The following TOGARAM1 variants were observed in gnomAD, a reference collection of about 807,000 sequenced individuals.
TOGARAM1 encodes TOG array regulator of axonemal microtubules 1.
Under a neutral mutation model 166.6 loss-of-function variants are expected in TOGARAM1, and 100 were observed. That is an observed-to-expected ratio of 0.60 (90% CI 0.51 to 0.71). TOGARAM1 has a LOEUF of 0.71. Among genes scored for constraint, TOGARAM1 ranks in the 30% least tolerant of loss-of-function variants. The pLI is 0.00. For missense variants in TOGARAM1, 2,029 were observed against 2,102.7 expected (o/e 0.96, Z 0.69); for synonymous variants, 758 against 763.8 (o/e 0.99, Z 0.13).
intron 2 of TOGARAM1, among the ~76,000 whole-genome samples, chr14:44,998,641 AT>A (rs1380217269): frequency 2.0e-5 from 3 of 152,212 alleles, no homozygotes; most frequent in African/African-American, 7.2e-5. Flanking sequence ...CTTAAAAAAA[AT>A]AAAATAAAAT....
At chr14:45,019,620 G>A (rs1594661638) in intron 7 of TOGARAM1, among the ~76,000 whole-genome samples, 1 of 152,146 alleles carries the variant, frequency 6.6e-6, no homozygotes, top group Non-Finnish European at 1.5e-5. Flanking sequence ...GCTCTCAGGC[G>A]ATAGATGATT....
intron 8 of TOGARAM1, 116 bp downstream of exon 8, chr14:45,025,988 A>G: frequency 5.4e-6 from 3 of 555,296 alleles, no homozygotes; most frequent in Non-Finnish European, 6.4e-6. Context: ...TTCTTTTTAA[A>G]AATGTATTAC....
At chr14:45,038,256 A>G (rs77084239) in intron 11 of TOGARAM1, among the ~76,000 whole-genome samples, 20 of 152,240 alleles carry the variant, frequency 1.3e-4, no homozygotes, top group Non-Finnish European at 1.5e-4. Context: ...AGGTGTTACT[A>G]TGCCAGCCAG....
chr14:45,025,684 A>C (rs1396186065), intron 7 of TOGARAM1, 99 bp from the exon 8 acceptor site: 1 of 629,296 alleles, frequency 1.6e-6, no homozygotes, highest in Non-Finnish European at 2.7e-6. Flanking sequence ...TGTATGAAAT[A>C]AATTTTCAGT....
At position 44,964,425 on chromosome 14, in the gene TOGARAM1, C is replaced by T. The variant is rs778534218; in HGVS notation, c.2004C>T (p.Ile668=). Reference sequence around the variant, plus strand: ...CATGGGAAAATGAGCAACCTGGAATCATGGGAGAAAACCAGACCTCCACTT... The same window carrying T: ...CATGGGAAAATGAGCAACCTGGAATTATGGGAGAAAACCAGACCTCCACTT... ...KLPWENEQPG[I]MGENQTSTSK... Residue 668 remains isoleucine, a synonymous_variant, in exon 1 of 20, where the codon ATC becomes ATT. Transcript: ENST00000361462. 1 of 1,605,098 alleles carries T rather than the reference C, an allele frequency of 6.2e-7. No homozygotes were observed. The highest frequency in any genetic ancestry group is 1.1e-5 in the South Asian group (1 of 89,918).
intron 3 of TOGARAM1, among the ~76,000 whole-genome samples, chr14:45,001,466 A>C (rs1218511026): frequency 6.6e-6 from 1 of 152,220 alleles, no homozygotes; most frequent in Non-Finnish European, 1.5e-5. Flanking sequence ...GTGAAGATAC[A>C]GCTTACAGAA....
intron 6 of TOGARAM1, 114 bp downstream of exon 6, chr14:45,009,259 T>G (rs1278253772): frequency 1.5e-5 from 12 of 786,600 alleles, no homozygotes; most frequent in Non-Finnish European, 2.2e-5. Context: ...TTTAAAATGT[T>G]AAAATATATT....
chr14:44,992,844 C>G (rs992869686), intron 1 of TOGARAM1, among the ~76,000 whole-genome samples: 1 of 151,446 alleles, frequency 6.6e-6, no homozygotes, highest in African/African-American at 2.4e-5. Context: ...GTCTCGATCT[C>G]CTGACCTCGT....
intron 16 of TOGARAM1, 70 bp downstream of exon 16, chr14:45,054,619 C>A: frequency 8.8e-7 from 1 of 1,133,034 alleles, no homozygotes; most frequent in Non-Finnish European, 1.3e-6. Context: ...TGGATGTTTT[C>A]ATAAACTACC....
intron 1 of TOGARAM1, among the ~76,000 whole-genome samples, chr14:44,969,150 C>CCTTCCTTCCTTCCTTCCTTTCT (rs1566595745): frequency 4.4e-4 from 57 of 130,060 alleles, no homozygotes; most frequent in African/African-American, 1.8e-3. Context: ...TCCTTCCTTT[C>CCTTCCTTCCTTCCTTCCTTTCT]TTTCTTTCTT....
chr14:44,966,513 A>G (rs1456539493), intron 1 of TOGARAM1, among the ~76,000 whole-genome samples: 1 of 152,106 alleles, frequency 6.6e-6, no homozygotes, highest in Non-Finnish European at 1.5e-5. Flanking sequence ...TTACAAAAAG[A>G]GTAATTTTAA....
chr14:45,028,430 A>G lies in TOGARAM1; in HGVS notation c.3658+101A>G, dbSNP rs560031204. ...GGTAATATATGACTAAGAATGAAAT[A>G]TCTTATATAACACCGAAATTTGCAA... On this transcript the variant is annotated intron_variant, in intron 10 of 19. Transcript: ENST00000361462. The G allele has an allele frequency of 8.0e-6, 10 of 1,257,480 alleles. No homozygotes were observed. The African/African-American group carries it at 1.2e-4, about 16-fold the overall frequency. 77.9% of individuals were successfully genotyped at this position (1,257,480 alleles called of 1,614,324 possible). A position where few individuals can be genotyped will look rare whatever the true frequency, so the allele number is the denominator to read the frequency against.
At chr14:45,058,795 T>G (rs1043649333) in intron 16 of TOGARAM1, among the ~76,000 whole-genome samples, 2 of 152,184 alleles carry the variant, frequency 1.3e-5, no homozygotes, top group Non-Finnish European at 2.9e-5. Flanking sequence ...TTAAGTGTTA[T>G]CTCCCTGTTT....
At chr14:45,040,620 T>C (rs557622600) in intron 11 of TOGARAM1, among the ~76,000 whole-genome samples, 1 of 152,298 alleles carries the variant, frequency 6.6e-6, no homozygotes, top group South Asian at 2.1e-4. Context: ...CTACTGATCA[T>C]ACAGCTGTTA....
chr14:45,042,710 A>C lies in TOGARAM1; in HGVS notation c.3813-976A>C, dbSNP rs1245005822. ...GTGCACAGTAGTATTGTGCCTAAAA[A>C]AATCAATATGCCTTAATTAAAAAAT... On this transcript the variant is annotated intron_variant, in intron 11 of 19. Transcript: ENST00000361462. Among the ~76,000 whole-genome samples, 5 of 152,186 alleles carry C rather than the reference A, an allele frequency of 3.3e-5. No homozygotes were observed. The East Asian group carries it at 9.6e-4, about 29-fold the overall frequency.
Position 45,045,573 on chromosome 14 carries a change from ATATATATATATGTGTGTGTGTGTGTGTG to A in TOGARAM1, c.4154+705_4154+732del, listed in dbSNP as rs1387636831. On this transcript the variant is annotated intron_variant, in intron 13 of 19. Coordinates refer to ENST00000361462, the MANE Select transcript of TOGARAM1 (RefSeq NM_001308120.2). ...TATATATATATATATATATATATAT[ATATATATATATGTGTGTGTGTGTGTGTG>A]TGTGTGTGTGTGTGTGTATATATAT... is the stretch of plus-strand genomic sequence containing the variant. Among the ~76,000 whole-genome samples, 5 of 39,406 alleles carry A rather than the reference ATATATATATATGTGTGTGTGTGTGTGTG, an allele frequency of 1.3e-4. 1 individual carries two copies. Among genetic ancestry groups the A allele is most frequent in the African/African-American group, 6.6e-4 (5 of 7,574 alleles). The allele number at this position is 39,406 out of a possible 152,430, so 25.9% of individuals were successfully genotyped here.
At chr14:45,069,484 C>T (rs908779538) in intron 18 of TOGARAM1, among the ~76,000 whole-genome samples, 5 of 151,748 alleles carry the variant, frequency 3.3e-5, no homozygotes, top group African/African-American at 1.2e-4. Context: ...GTAAAGAAAT[C>T]TCAAAGCTCA....
rs1162641320 is a variant in TOGARAM1, at chr14:45,008,854, A to G, written c.2905-59A>G. 5 of 1,393,702 alleles carry G rather than the reference A, an allele frequency of 3.6e-6. 1 individual carries two copies. In the Admixed American group the frequency reaches 6.4e-5, roughly 18 times the overall value. 86.3% of individuals were successfully genotyped at this position (1,393,702 alleles called of 1,614,324 possible). ...CTAATGGAGTTTAAAATTTAAGGAT[A>G]ACTTTTACCAATATAAGGAATTTAT... On this transcript the variant is annotated intron_variant, in intron 5 of 19. Coordinates refer to ENST00000361462, the MANE Select transcript of TOGARAM1 (RefSeq NM_001308120.2).
At chr14:45,019,217 C>T (rs73348062) in intron 7 of TOGARAM1, among the ~76,000 whole-genome samples, 19,746 of 152,032 alleles carry the variant, frequency 0.13, 1,505 homozygotes, top group African/African-American at 0.2. Flanking sequence ...CTTATCCTAT[C>T]ATTTACTCTC....
Sources: allele counts gnomAD v4.1 joint callset (sites outside exome capture counted in the v4.1 genomes callset), GRCh38; gene constraint gnomAD v4.1.1; transcripts MANE v1.5; gene names NCBI Gene and HGNC (gene_info 2026-07-23, HGNC 2026-07-21).